Variants in CDH4 observed in about 807,000 individuals in gnomAD.
CDH4 encodes cadherin 4.
In CDH4, 33 loss-of-function variants were observed where a neutral mutation model predicts 86.0. The ratio of observed to expected loss-of-function variants is 0.38; its 90% CI spans 0.29 to 0.51. CDH4 has a LOEUF of 0.51. Among genes scored for constraint, CDH4 ranks in the 20% least tolerant of loss-of-function variants. The pLI, the probability that CDH4 is intolerant of heterozygous loss-of-function variation, is 0.86. For synonymous variants in CDH4, 555 were observed against 549.4 expected (o/e 1.01, Z -0.14); for missense variants, 1,114 against 1,307.4 (o/e 0.85, Z 2.28).
intron 2 of CDH4, among the ~76,000 whole-genome samples, chr20:61,473,756 GACACACAGAC>G (rs2085519270): frequency 6.6e-6 from 1 of 151,858 alleles, no homozygotes; most frequent in Non-Finnish European, 1.5e-5. Context: ...CAGACACGCA[GACACACAGAC>G]ACACAAAGAC....
At chr20:61,565,233 G>C (rs376483639) in intron 2 of CDH4, among the ~76,000 whole-genome samples, 1 of 46,764 alleles carries the variant, frequency 2.1e-5, no homozygotes, top group Non-Finnish European at 4.1e-5. Flanking sequence ...GGTGGTGGTG[G>C]TGGTGGTGGC....
chr20:61,403,476 T>C (rs1156585276), intron 2 of CDH4, among the ~76,000 whole-genome samples: 1 of 152,146 alleles, frequency 6.6e-6, no homozygotes, highest in Non-Finnish European at 1.5e-5. Context: ...CGGTCCCCTC[T>C]CTAGAGATCC....
At position 61,523,769 on chromosome 20, in the gene CDH4, G is replaced by A. The variant is rs547655422; in HGVS notation, c.170-219794G>A. ...CATCAGTGTGGATACCTTTGCATTC[G>A]TTATTCAGTAAATAGTGAGCTCCTT... On this transcript the variant is annotated intron_variant, in intron 2 of 15. Transcript: ENST00000614565. Among the ~76,000 whole-genome samples the A allele has an allele frequency of 1.1e-4, 16 of 152,348 alleles. No homozygotes were observed. The East Asian group carries it at 1.5e-3, about 15-fold the overall frequency.
intron 3 of CDH4, among the ~76,000 whole-genome samples, chr20:61,748,583 A>G (rs1303076944): frequency 6.6e-6 from 1 of 152,232 alleles, no homozygotes; most frequent in Non-Finnish European, 1.5e-5. Flanking sequence ...AAAGGCCAAG[A>G]ACACTGAAAA....
chr20:61,375,919 T>TTGG (rs2084867301), intron 2 of CDH4, among the ~76,000 whole-genome samples: 1 of 139,348 alleles, frequency 7.2e-6, no homozygotes, highest in Non-Finnish European at 1.6e-5. Context: ...TGTGATGGTC[T>TTGG]TGGTGCTGGT....
chr20:61,315,070 G>A (rs766417606), intron 2 of CDH4, among the ~76,000 whole-genome samples: 93 of 152,130 alleles, frequency 6.1e-4, no homozygotes, highest in Non-Finnish European at 1.2e-3. Flanking sequence ...GTCTAAACAC[G>A]AAAGCCTCCA....
intron 2 of CDH4, among the ~76,000 whole-genome samples, chr20:61,319,897 G>C (rs915551970): frequency 6.6e-6 from 1 of 151,390 alleles, no homozygotes; most frequent in Non-Finnish European, 1.5e-5. Context: ...GAAGGATGCA[G>C]TAAGCCGAGA....
chr20:61,934,745 C>G (rs1003723708), intron 15 of CDH4, among the ~76,000 whole-genome samples: 1 of 151,434 alleles, frequency 6.6e-6, no homozygotes, highest in East Asian at 1.9e-4. Flanking sequence ...ACCCCACACC[C>G]CAAACATCAG....
At chr20:61,486,892 A>C (rs1000906955) in intron 2 of CDH4, among the ~76,000 whole-genome samples, 1 of 152,140 alleles carries the variant, frequency 6.6e-6, no homozygotes, top group Non-Finnish European at 1.5e-5. Context: ...CTGTCTCTAA[A>C]AAATAATAAA....
chr20:61,531,939 T>C (rs1319920688), intron 2 of CDH4, among the ~76,000 whole-genome samples: 1 of 152,264 alleles, frequency 6.6e-6, no homozygotes, highest in Non-Finnish European at 1.5e-5. Context: ...TTTGTTCTTA[T>C]CTTCTGCGCT....
At chr20:61,439,280 A>AGTTGTACTGCGGTGTGCG (rs1568845404) in intron 2 of CDH4, among the ~76,000 whole-genome samples, 1 of 151,804 alleles carries the variant, frequency 6.6e-6, no homozygotes, top group Admixed American at 6.6e-5. Flanking sequence ...TGCAGTGTGC[A>AGTTGTACTGCGGTGTGCG]TTTCGGTTGT....
rs142357548 is a variant in CDH4, at chr20:61,750,972, A to G, written c.396+7183A>G. Among the ~76,000 whole-genome samples, 577 of 152,332 alleles carry G rather than the reference A, an allele frequency of 3.8e-3. 1 individual carries two copies. The highest frequency in any genetic ancestry group is 0.013 in the African/African-American group (541 of 41,582). Reference sequence around the variant, plus strand: ...TGAGAAAAATTAAAGAACTATAAAAATGGAGGGATATGCTGAGCTCATAAC... The same window carrying G: ...TGAGAAAAATTAAAGAACTATAAAAGTGGAGGGATATGCTGAGCTCATAAC... On this transcript the variant is annotated intron_variant, in intron 3 of 15. Coordinates refer to ENST00000614565, the MANE Select transcript of CDH4 (RefSeq NM_001794.5).
In CDH4 at chr20:61,526,979, C is replaced by T. The variant is rs1315911594; in HGVS notation, c.170-216584C>T. Among the ~76,000 whole-genome samples, 10 of 152,372 alleles carry T rather than the reference C, an allele frequency of 6.6e-5. No individual in the cohort carries two copies. The South Asian group carries it at 1.4e-3, about 22-fold the overall frequency. On this transcript the variant is annotated intron_variant, in intron 2 of 15. Coordinates refer to ENST00000614565, the MANE Select transcript of CDH4 (RefSeq NM_001794.5). ...TATGTCAAGCGTTCTACCGCCAAGG[C>T]AGCAGTGACAGTGTGTGGGAGCCCC...
At chr20:61,381,844 G>A (rs2084902960) in intron 2 of CDH4, among the ~76,000 whole-genome samples, 1 of 152,186 alleles carries the variant, frequency 6.6e-6, no homozygotes, top group South Asian at 2.1e-4. Flanking sequence ...GAGAAGCTGG[G>A]CGGGTGGATC....
intron 9 of CDH4, among the ~76,000 whole-genome samples, chr20:61,916,178 T>A (rs926935422): frequency 2.0e-5 from 1 of 49,970 alleles, no homozygotes; most frequent in African/African-American, 7.7e-5. Flanking sequence ...AGCAGGGGAG[T>A]GGGGTGGAGG....
intron 4 of CDH4, among the ~76,000 whole-genome samples, chr20:61,798,289 G>T (rs62206275): frequency 8.8e-4 from 133 of 151,868 alleles, no homozygotes; most frequent in Non-Finnish European, 1.5e-3. Flanking sequence ...GTCCCGCCTC[G>T]CACGCATCCC....
chr20:61,921,978 G>T, intron 9 of CDH4, among the ~76,000 whole-genome samples: 1 of 152,058 alleles, frequency 6.6e-6, no homozygotes, highest in Non-Finnish European at 1.5e-5. Context: ...ACACTATGTG[G>T]GTTGCTTTTT....
At chr20:61,289,142 C>T (rs1568783319) in intron 2 of CDH4, among the ~76,000 whole-genome samples, 1 of 152,222 alleles carries the variant, frequency 6.6e-6, no homozygotes, top group Non-Finnish European at 1.5e-5. Flanking sequence ...ATGGGGAGGG[C>T]AGAGGAGAAC....
intron 2 of CDH4, among the ~76,000 whole-genome samples, chr20:61,452,879 T>C (rs966057525): frequency 5.9e-5 from 9 of 152,214 alleles, no homozygotes; most frequent in African/African-American, 2.2e-4. Flanking sequence ...TCTCAGCTTT[T>C]CCACCATCCA....
Sources: allele counts gnomAD v4.1 joint callset (sites outside exome capture counted in the v4.1 genomes callset), GRCh38; gene constraint gnomAD v4.1.1; transcripts MANE v1.5; gene names NCBI Gene and HGNC (gene_info 2026-07-23, HGNC 2026-07-21).